Variants in LIPN observed in about 807,000 individuals in gnomAD.
LIPN encodes the protein lipase family member N, also known as lipase member N.
In LIPN, 32 loss-of-function variants were observed where a neutral mutation model predicts 43.7. The ratio of observed to expected loss-of-function variants is 0.73; its 90% confidence interval spans 0.55 to 0.98. The LOEUF (loss-of-function observed/expected upper bound fraction) is 0.98, where lower values mean the gene tolerates loss of function less well. Among genes scored for constraint, LIPN ranks in the 50% least tolerant of loss-of-function variants. LIPN has a pLI of 0.00. For missense variants in LIPN, 505 were observed against 483.8 expected (o/e 1.04, Z -0.41); for synonymous variants, 156 against 157.6 (o/e 0.99, Z 0.08).
intron 1 of LIPN, among the ~76,000 whole-genome samples, chr10:88,761,129 T>C (rs1454019131): frequency 1.3e-5 from 2 of 152,140 alleles, no homozygotes; most frequent in African/African-American, 2.4e-5. Flanking sequence ...CAATTCAACC[T>C]TGATTAAAAT....
rs430517 is a variant in LIPN, at chr10:88,764,480, T to C, written c.297T>C (p.Ala99=). Reference sequence around the variant, plus strand: ...ATGCCTACTGGCTTGAGAATTATGCTAATGGAAGCCTTGGATTCCTTCTAG... The same window carrying C: ...ATGCCTACTGGCTTGAGAATTATGCCAATGGAAGCCTTGGATTCCTTCTAG... The part of the protein sequence containing the change: ...ADNAYWLENY[A]NGSLGFLLAD... Residue 99 remains alanine (A), a synonymous_variant, in exon 4 of 10, where the codon GCT becomes GCC. Transcript: ENST00000404459. 0.23 allele frequency: 368,652 copies of C among 1,611,720 alleles called. 43,253 individuals are homozygous for C. The highest frequency in any genetic ancestry group is 0.38 in the East Asian group (17,068 of 44,764).
In LIPN at chr10:88,764,482, A is replaced by G. The variant is rs778691455; in HGVS notation, c.299A>G (p.Asn100Ser). ...GCCTACTGGCTTGAGAATTATGCTA[A>G]TGGAAGCCTTGGATTCCTTCTAGCA... The part of the protein sequence containing the change: ...DNAYWLENYA[N>S]GSLGFLLADA... The change falls in exon 4 of 10, where the codon AAT (asparagine) becomes AGT (serine). Residue 100 changes from asparagine to serine, a missense_variant. Asn to Ser is a conservative substitution (Grantham distance 46, BLOSUM62 1). Coordinates refer to ENST00000404459, the MANE Select transcript of LIPN (RefSeq NM_001102469.2). The G allele has an allele frequency of 5.0e-6, 8 of 1,612,438 alleles. No individual in the cohort carries two copies. In the South Asian group the frequency reaches 8.8e-5, roughly 18 times the overall value.
chr10:88,762,576 T>G (rs1187229320), intron 3 of LIPN, among the ~76,000 whole-genome samples: 1 of 152,090 alleles, frequency 6.6e-6, no homozygotes. Context: ...GCCTGCATTT[T>G]GTCACCTCAT....
At chr10:88,770,133 G>C (rs555366923) in intron 6 of LIPN, among the ~76,000 whole-genome samples, 2 of 151,666 alleles carry the variant, frequency 1.3e-5, no homozygotes, top group South Asian at 4.2e-4. Flanking sequence ...CTTTTCTTCC[G>C]TCAGTTTCCC....
At chr10:88,760,916 G>A (rs1011490902) in intron 1 of LIPN, among the ~76,000 whole-genome samples, 11 of 152,118 alleles carry the variant, frequency 7.2e-5, no homozygotes, top group African/African-American at 2.4e-4. Flanking sequence ...TGGGTGCCAC[G>A]TGAGAAATAA....
chr10:88,762,447 G>C, intron 3 of LIPN, 142 bp downstream of exon 3: 1 of 621,074 alleles, frequency 1.6e-6, no homozygotes, highest in South Asian at 2.0e-5. Flanking sequence ...TATCAGGGAG[G>C]CTCACTCTTT....
Position 88,766,267 on chromosome 10 carries a change from A to G in LIPN, c.426-2A>G. On this transcript the variant is annotated splice_acceptor_variant, in intron 4 of 9. Coordinates refer to ENST00000404459, the MANE Select transcript of LIPN (RefSeq NM_001102469.2). LOFTEE classifies it high-confidence loss of function. ...TATAAAAGCCCCTGTTTTATTTTGC[A>G]GTTTTGATGAAATGGCCAAATATGA... 6 of 1,459,790 alleles carry G rather than the reference A, an allele frequency of 4.1e-6. No homozygotes were observed. The South Asian group carries it at 5.8e-5, about 14-fold the overall frequency. The allele number at this position is 1,459,790 out of a possible 1,614,324, so 90.4% of individuals were successfully genotyped here. A position where few individuals can be genotyped will look rare whatever the true frequency, so the allele number is the denominator to read the frequency against.
upstream of LIPN, among the ~76,000 whole-genome samples, chr10:88,757,903 A>G (rs945386598): frequency 1.3e-5 from 2 of 152,152 alleles, no homozygotes; most frequent in East Asian, 3.9e-4. Context: ...AAGAGACAAA[A>G]TCCAGGTTCT....
At chr10:88,769,510 AG>A (rs1843169266) in intron 6 of LIPN, 1 of 743,508 alleles carries the variant, frequency 1.3e-6, no homozygotes, top group Non-Finnish European at 1.6e-6. Flanking sequence ...TATCTATTAA[AG>A]GGTTTTTTTT....
At position 88,779,443 on chromosome 10, in the gene LIPN, T is replaced by C. The variant is rs7909525; in HGVS notation, c.*1201T>C. On this transcript the variant is annotated 3_prime_UTR_variant, in exon 10 of 10. Transcript: ENST00000404459. The stretch of plus-strand genomic sequence containing the variant: ...GGAATAATGGTCACTATGAAAACCA[T>C]GTGATAATATGGAAAAATACCCATG... Among the ~76,000 whole-genome samples, 15,236 of 152,142 alleles carry C rather than the reference T, an allele frequency of 0.1. 906 individuals carry two copies. Among genetic ancestry groups the C allele is most frequent in the South Asian group, 0.18 (857 of 4,824 alleles).
chr10:88,765,687 A>G (rs1333984720), intron 4 of LIPN, among the ~76,000 whole-genome samples: 1 of 151,892 alleles, frequency 6.6e-6, no homozygotes, highest in East Asian at 1.9e-4. Context: ...GGACAGGAAT[A>G]CTACTACTAA....
chr10:88,771,782 G>T (rs530913280), intron 7 of LIPN, among the ~76,000 whole-genome samples: 25 of 150,462 alleles, frequency 1.7e-4, no homozygotes, highest in African/African-American at 5.4e-4. Context: ...CACTGGAATT[G>T]CTGGATCATA....
chr10:88,773,854 C>G (rs2134858236), intron 7 of LIPN, among the ~76,000 whole-genome samples: 1 of 152,080 alleles, frequency 6.6e-6, no homozygotes, highest in South Asian at 2.1e-4. Context: ...ATTATGATTA[C>G]TATTTTATCT....
At chr10:88,773,541 C>T (rs1224298111) in intron 7 of LIPN, among the ~76,000 whole-genome samples, 1 of 151,750 alleles carries the variant, frequency 6.6e-6, no homozygotes, top group Non-Finnish European at 1.5e-5. Flanking sequence ...TATGAAGAAG[C>T]AGCAGTCCTG....
intron 6 of LIPN, chr10:88,769,482 A>G (rs1181323099): frequency 1.9e-6 from 1 of 539,898 alleles, no homozygotes; most frequent in African/African-American, 2.1e-5. Flanking sequence ...TTGGTTGCCA[A>G]TTGTGGATTT....
intron 8 of LIPN, among the ~76,000 whole-genome samples, chr10:88,774,771 A>C (rs1360880483): frequency 6.6e-6 from 1 of 151,970 alleles, no homozygotes; most frequent in Non-Finnish European, 1.5e-5. Flanking sequence ...TCAGAGTTTT[A>C]AAAATAGGCC....
chr10:88,761,764 TATCTATC>T (rs1843003983), intron 2 of LIPN, among the ~76,000 whole-genome samples: 1 of 63,318 alleles, frequency 1.6e-5, no homozygotes, highest in African/African-American at 8.4e-5. Context: ...TCTATCTATG[TATCTATC>T]TATCTATTTA....
At chr10:88,768,017 C>CACACAT (rs879615916) in intron 5 of LIPN, among the ~76,000 whole-genome samples, 1,438 of 5,040 alleles carry the variant, frequency 0.29, 36 homozygotes, top group Admixed American at 0.44. Flanking sequence ...TGTTTCAGTA[C>CACACAT]ACACACACAC....
upstream of LIPN, among the ~76,000 whole-genome samples, chr10:88,758,250 C>A (rs190690066): frequency 2.4e-4 from 37 of 151,544 alleles, no homozygotes; most frequent in East Asian, 7.0e-3. Context: ...AATGAGTAAC[C>A]ATCATTAAGC....
Sources: gnomAD v4.1 joint callset for allele counts (sites outside exome capture counted in the v4.1 genomes callset) on GRCh38, gnomAD v4.1.1 for gene constraint, MANE v1.5 for transcripts, NCBI Gene and HGNC (gene_info 2026-07-23, HGNC 2026-07-21) for gene names.